The following KLHL29 variants were observed in gnomAD, a reference collection of about 807,000 sequenced individuals.
KLHL29 encodes kelch like family member 29, also known as kelch-like protein 29.
A neutral mutation model predicts 80.4 loss-of-function variants in KLHL29; 21 were observed. The ratio of observed to expected loss-of-function variants is 0.26; its 90% CI spans 0.19 to 0.38. The LOEUF (loss-of-function observed/expected upper bound fraction) is 0.38, where lower values mean the gene tolerates loss of function less well. KLHL29 is among the 10% of genes least tolerant of loss of function. KLHL29 has a pLI of 1.00. For synonymous variants in KLHL29, 511 were observed against 526.8 expected (o/e 0.97, Z 0.41); for missense variants, 867 against 1,223.9 (o/e 0.71, Z 4.35).
At chr2:23,388,085 G>A (rs573756040) in intron 1 of KLHL29, among the ~76,000 whole-genome samples, 2 of 152,230 alleles carry the variant, frequency 1.3e-5, no homozygotes, top group East Asian at 1.9e-4. Flanking sequence ...GTAACAAATA[G>A]ATTAAGGGTT....
chr2:23,541,761 A>G (rs1430140406), intron 2 of KLHL29, among the ~76,000 whole-genome samples: 2 of 143,458 alleles, frequency 1.4e-5, no homozygotes, highest in Non-Finnish European at 3.1e-5. Context: ...AAAAAAGCCC[A>G]ACCCAAAAAA....
At chr2:23,643,192 TGA>T (rs1475757006) in intron 5 of KLHL29, 16 of 467,994 alleles carry the variant, frequency 3.4e-5, no homozygotes, top group African/African-American at 2.6e-4. Flanking sequence ...TGCAAAAGGG[TGA>T]GAGTCATCCA....
intron 3 of KLHL29, among the ~76,000 whole-genome samples, chr2:23,578,430 A>C (rs1156314279): frequency 1.3e-5 from 2 of 152,230 alleles, no homozygotes; most frequent in Non-Finnish European, 2.9e-5. Context: ...GAATAATACT[A>C]TCCATTTCAT....
intron 3 of KLHL29, among the ~76,000 whole-genome samples, chr2:23,599,844 T>C (rs1385171063): frequency 6.6e-6 from 1 of 152,242 alleles, no homozygotes; most frequent in Non-Finnish European, 1.5e-5. Flanking sequence ...CCTCCTCCCG[T>C]GCCTCTGTCC....
intron 1 of KLHL29, among the ~76,000 whole-genome samples, chr2:23,403,013 T>TA (rs1666632303): frequency 1.3e-5 from 2 of 149,970 alleles, no homozygotes; most frequent in African/African-American, 5.0e-5. Flanking sequence ...TACTATACTA[T>TA]ATATATAGTG....
intron 3 of KLHL29, among the ~76,000 whole-genome samples, chr2:23,612,307 G>A (rs370994289): frequency 6.6e-6 from 1 of 152,202 alleles, no homozygotes; most frequent in African/African-American, 2.4e-5. Flanking sequence ...AACATTGCAA[G>A]TCAGAAGTCA....
At chr2:23,567,867 C>T (rs954335464) in intron 3 of KLHL29, among the ~76,000 whole-genome samples, 1 of 152,212 alleles carries the variant, frequency 6.6e-6, no homozygotes, top group African/African-American at 2.4e-5. Flanking sequence ...TCTCCATGAA[C>T]AAGAACTGTG....
At chr2:23,568,302 C>T (rs1482966747) in intron 3 of KLHL29, among the ~76,000 whole-genome samples, 1 of 152,188 alleles carries the variant, frequency 6.6e-6, no homozygotes, top group African/African-American at 2.4e-5. Context: ...ATAATACCCC[C>T]AAAACCTGGG....
intron 13 of KLHL29, among the ~76,000 whole-genome samples, chr2:23,705,056 A>G (rs1392997825): frequency 2.0e-5 from 3 of 152,232 alleles, no homozygotes; most frequent in Admixed American, 1.3e-4. Context: ...AGATTTCACA[A>G]TTCTTGAGCC....
At chr2:23,586,159 G>T (rs1668111964) in intron 3 of KLHL29, among the ~76,000 whole-genome samples, 1 of 151,962 alleles carries the variant, frequency 6.6e-6, no homozygotes, top group South Asian at 2.1e-4. Flanking sequence ...CTCAGAAAAT[G>T]CTACTTAAAA....
chr2:23,556,165 G>A (rs758912961), intron 2 of KLHL29, among the ~76,000 whole-genome samples: 16 of 152,178 alleles, frequency 1.1e-4, no homozygotes, highest in Admixed American at 5.2e-4. Context: ...AGAAGGCAGC[G>A]GGGAGCCTGA....
intron 2 of KLHL29, among the ~76,000 whole-genome samples, chr2:23,535,283 G>C (rs1398003587): frequency 6.6e-5 from 10 of 152,156 alleles, no homozygotes; most frequent in Non-Finnish European, 1.3e-4. Context: ...CCTGAGCTAG[G>C]ACTCCACACA....
intron 2 of KLHL29, among the ~76,000 whole-genome samples, chr2:23,558,637 CA>C (rs979081688): frequency 3.3e-5 from 5 of 152,204 alleles, no homozygotes; most frequent in African/African-American, 1.2e-4. Flanking sequence ...CTCCTGGCCT[CA>C]AGTGATCCTC....
chr2:23,429,495 G>A (rs1663108816), intron 1 of KLHL29, among the ~76,000 whole-genome samples: 1 of 152,220 alleles, frequency 6.6e-6, no homozygotes, highest in African/African-American at 2.4e-5. Context: ...GCTCACTCCT[G>A]TAATCCCAGC....
rs1027770618 is a variant in KLHL29, at chr2:23,703,876, G to A, written c.2444+13G>A. 48 of 1,533,530 alleles carry A rather than the reference G, an allele frequency of 3.1e-5. No individual in the cohort carries two copies. The highest frequency in any genetic ancestry group is 3.4e-4 in the Middle Eastern group (2 of 5,966). 95.0% of individuals were successfully genotyped at this position (1,533,530 alleles called of 1,614,324 possible). A position where few individuals can be genotyped will look rare whatever the true frequency, so the allele number is the denominator to read the frequency against. Reference sequence around the variant, plus strand: ...GCCAGTTCTGCAGGTGAGAGGCTGCGGCGCCTTGACTAGGGCTGGGACGGA... The same window carrying A: ...GCCAGTTCTGCAGGTGAGAGGCTGCAGCGCCTTGACTAGGGCTGGGACGGA... On this transcript the variant is annotated intron_variant, in intron 13 of 13. Coordinates refer to ENST00000486442, the MANE Select transcript of KLHL29 (RefSeq NM_052920.2).
At chr2:23,523,675 A>G (rs1018193673) in intron 2 of KLHL29, among the ~76,000 whole-genome samples, 6 of 152,164 alleles carry the variant, frequency 3.9e-5, no homozygotes, top group Non-Finnish European at 5.9e-5. Context: ...CAGTTCAACA[A>G]ACATTGAGGA....
chr2:23,682,158 G>C lies in KLHL29; in HGVS notation c.941-2241G>C, dbSNP rs375297458. Among the ~76,000 whole-genome samples the C allele has an allele frequency of 6.6e-6, 1 of 152,024 alleles. No homozygotes were observed. Among genetic ancestry groups the C allele is most frequent in the African/African-American group, 2.4e-5 (1 of 41,366 alleles). ...GCACTGAGCCCCACGGGGTCCACAC[G>C]CTCCTGTTTCTCTGTCCTGCTGTTG... On this transcript the variant is annotated intron_variant, in intron 5 of 13. Transcript: ENST00000486442. This position sits in a 1 kb window ranked among gnomAD's most constrained non-coding sequence, Gnocchi z 4.1.
chr2:23,465,582 C>A (rs1486051716), intron 1 of KLHL29, among the ~76,000 whole-genome samples: 1 of 152,186 alleles, frequency 6.6e-6, no homozygotes, highest in African/African-American at 2.4e-5. Flanking sequence ...CAGCAGTGAC[C>A]CCATGGCAAA....
chr2:23,491,413 G>A (rs1200918036), intron 2 of KLHL29, among the ~76,000 whole-genome samples: 1 of 152,152 alleles, frequency 6.6e-6, no homozygotes, highest in African/African-American at 2.4e-5. Flanking sequence ...TCCTGCTTGG[G>A]AAAAGGCAGA....
Sources: gnomAD v4.1 joint callset for allele counts (sites outside exome capture counted in the v4.1 genomes callset) on GRCh38, gnomAD v4.1.1 for gene constraint, Gnocchi (gnomAD v3.1) non-coding constraint, MANE v1.5 for transcripts, NCBI Gene and HGNC (gene_info 2026-07-23, HGNC 2026-07-21) for gene names.